GRIP1: variants seen among roughly 807,000 people sequenced by gnomAD.
GRIP1 encodes the protein glutamate receptor-interacting protein 1.
Under a neutral mutation model 129.9 loss-of-function variants are expected in GRIP1, and 45 were observed. The observed-to-expected ratio is 0.35, with a 90% confidence interval of 0.27 to 0.44. GRIP1 has a LOEUF of 0.44. GRIP1 is among the 20% of genes least tolerant of loss of function. The pLI, the probability that GRIP1 is intolerant of heterozygous loss-of-function variation, is 1.00. For missense variants in GRIP1, 1,196 were observed against 1,396.8 expected (o/e 0.86, Z 2.29); for synonymous variants, 530 against 520.8 (o/e 1.02, Z -0.24).
At chr12:66,438,486 C>A (rs908368236) in intron 13 of GRIP1, among the ~76,000 whole-genome samples, 2 of 150,172 alleles carry the variant, frequency 1.3e-5, no homozygotes, top group East Asian at 3.9e-4. Flanking sequence ...ATTCGTTCAC[C>A]GAGTATTTTT....
Position 67,028,660 on chromosome 12 carries a change from C to CT in GRIP1, c.58+40389dup, listed in dbSNP as rs577835358. Among the ~76,000 whole-genome samples, 658 of 152,214 alleles carry CT rather than the reference C, an allele frequency of 4.3e-3. 7 individuals carry two copies. Among genetic ancestry groups the CT allele is most frequent in the African/African-American group, 0.015 (615 of 41,538 alleles). On this transcript the variant is annotated intron_variant, in intron 1 of 1. Coordinates refer to the GRIP1 transcript ENST00000643019. Reference sequence around the variant, plus strand: ...TAAGATTAAATGCTGTGATTCCCTCCTCCTTTTTCTCTATGTTTTTCGTGG... The same window carrying CT: ...TAAGATTAAATGCTGTGATTCCCTCCTTCCTTTTTCTCTATGTTTTTCGTGG...
chr12:66,539,545 CTTTTTTTT>C (rs35373698), intron 3 of GRIP1, among the ~76,000 whole-genome samples: 5 of 59,288 alleles, frequency 8.4e-5, no homozygotes, highest in Non-Finnish European at 1.2e-4. Flanking sequence ...TCAAGAGAAG[CTTTTTTTT>C]TTTTTTTTTT....
At chr12:67,015,318 G>T (rs1432683339) in intron 1 of GRIP1, among the ~76,000 whole-genome samples, 3 of 152,268 alleles carry the variant, frequency 2.0e-5, no homozygotes, top group African/African-American at 7.2e-5. Context: ...CAAGCTTAGG[G>T]GGCTCTTTCA....
chr12:66,732,277 A>G (rs1009763776), intron 1 of GRIP1, among the ~76,000 whole-genome samples: 3 of 152,158 alleles, frequency 2.0e-5, no homozygotes, highest in African/African-American at 7.2e-5. Context: ...TAGGCTAGGT[A>G]TGGTGGCTCA....
At chr12:67,034,475 A>G (rs1245835803) in intron 1 of GRIP1, among the ~76,000 whole-genome samples, 1 of 152,208 alleles carries the variant, frequency 6.6e-6, no homozygotes, top group African/African-American at 2.4e-5. Flanking sequence ...TACTGTAAGC[A>G]ACCATAACAT....
chr12:66,525,465 T>C (rs1227608937), intron 5 of GRIP1, among the ~76,000 whole-genome samples: 1 of 152,092 alleles, frequency 6.6e-6, no homozygotes, highest in African/African-American at 2.4e-5. Context: ...AAAAGGCCTT[T>C]GACAAAATTC....
intron 1 of GRIP1, among the ~76,000 whole-genome samples, chr12:66,723,298 TTC>T (rs1467678331): frequency 0.015 from 703 of 45,418 alleles, 43 homozygotes; most frequent in African/African-American, 0.066. Flanking sequence ...CTTTCTTTCT[TTC>T]TTTCTTTTTT....
chr12:67,009,056 T>C (rs1239038673), intron 1 of GRIP1, among the ~76,000 whole-genome samples: 2 of 152,176 alleles, frequency 1.3e-5, no homozygotes, highest in Non-Finnish European at 2.9e-5. Flanking sequence ...TGGAGTTTTA[T>C]ATCAAAATAG....
chr12:66,580,133 C>T (rs1370614575), intron 2 of GRIP1, among the ~76,000 whole-genome samples: 2 of 146,922 alleles, frequency 1.4e-5, no homozygotes, highest in African/African-American at 2.5e-5. Flanking sequence ...ATTTTCAACC[C>T]AGAATTTCAT....
At chr12:66,786,019 G>A (rs907559072) in intron 1 of GRIP1, among the ~76,000 whole-genome samples, 1 of 152,174 alleles carries the variant, frequency 6.6e-6, no homozygotes, top group African/African-American at 2.4e-5. Context: ...GGAGATGGAG[G>A]CTACAGTGAG....
chr12:66,473,472 C>A (rs895405265), intron 7 of GRIP1, among the ~76,000 whole-genome samples: 6 of 152,212 alleles, frequency 3.9e-5, no homozygotes, highest in Admixed American at 1.3e-4. Flanking sequence ...AGTGCTTCAG[C>A]TCTGCTAAGG....
At chr12:66,437,593 C>A (rs1418069285) in intron 13 of GRIP1, among the ~76,000 whole-genome samples, 2 of 152,110 alleles carry the variant, frequency 1.3e-5, no homozygotes, top group African/African-American at 4.8e-5. Context: ...AGACACAGTT[C>A]CTATTTTTTA....
At chr12:66,535,944 T>C (rs1198283098) in intron 4 of GRIP1, among the ~76,000 whole-genome samples, 1 of 152,204 alleles carries the variant, frequency 6.6e-6, no homozygotes, top group African/African-American at 2.4e-5. Flanking sequence ...ACCTCAAATG[T>C]AGTATTTCAA....
chr12:67,043,933 T>C (rs887951753), intron 1 of GRIP1, among the ~76,000 whole-genome samples: 1 of 152,098 alleles, frequency 6.6e-6, no homozygotes, highest in Non-Finnish European at 1.5e-5. Flanking sequence ...ATAAAGAAGC[T>C]ATTTGGAGGA....
chr12:66,765,204 A>G (rs2037596928), intron 1 of GRIP1, among the ~76,000 whole-genome samples: 1 of 152,114 alleles, frequency 6.6e-6, no homozygotes, highest in African/African-American at 2.4e-5. Flanking sequence ...TGGTGATGAT[A>G]TTTCCTAGAT....
intron 1 of GRIP1, among the ~76,000 whole-genome samples, chr12:66,619,433 T>C (rs1295571239): frequency 6.6e-6 from 1 of 152,078 alleles, no homozygotes; most frequent in African/African-American, 2.4e-5. Context: ...TTCCTTGCCC[T>C]CCACAAATCA....
intron 2 of GRIP1, among the ~76,000 whole-genome samples, chr12:66,574,275 T>A (rs1050290350): frequency 3.9e-5 from 6 of 152,330 alleles, no homozygotes; most frequent in Non-Finnish European, 7.3e-5. Context: ...TTTAAAAAAA[T>A]TATCCAGGTA....
intron 1 of GRIP1, among the ~76,000 whole-genome samples, chr12:66,789,195 C>T (rs113840699): frequency 0.036 from 5,448 of 152,154 alleles, 333 homozygotes; most frequent in African/African-American, 0.12. Context: ...TTAGATGAAT[C>T]TGTTTTACAA....
intron 23 of GRIP1, among the ~76,000 whole-genome samples, chr12:66,364,047 TC>T (rs554986066): frequency 2.0e-5 from 3 of 151,792 alleles, no homozygotes; most frequent in Admixed American, 6.6e-5. Flanking sequence ...GGTCAGGAAT[TC>T]AAGACCAGCC....
Sources: gnomAD v4.1 joint callset for allele counts (sites outside exome capture counted in the v4.1 genomes callset) on GRCh38, gnomAD v4.1.1 for gene constraint, MANE v1.5 for transcripts, NCBI Gene and HGNC (gene_info 2026-07-23, HGNC 2026-07-21) for gene names.